Variants in MROH2A observed in about 807,000 individuals in gnomAD.
MROH2A encodes maestro heat-like repeat-containing protein family member 2A.
MROH2A carries 174 observed loss-of-function variants against 200.4 expected under a neutral mutation model. The ratio of observed to expected loss-of-function variants is 0.87; its 90% CI spans 0.77 to 0.98. The LOEUF (loss-of-function observed/expected upper bound fraction) is 0.98. Ranked by LOEUF, MROH2A falls within the 50% of genes least tolerant of loss-of-function variation. The pLI, the probability that MROH2A is intolerant of heterozygous loss-of-function variation, is 0.00. For synonymous variants in MROH2A, 829 were observed against 840.4 expected (o/e 0.99, Z 0.23); for missense variants, 2,045 against 2,139.6 (o/e 0.96, Z 0.87).
chr2:233,822,727 G>A (rs1022773876), intron 33 of MROH2A, among the ~76,000 whole-genome samples, 154 bp from the exon 34 acceptor site: 1 of 152,192 alleles, frequency 6.6e-6, no homozygotes, highest in Non-Finnish European at 1.5e-5. Context: ...GTGGTTTTCA[G>A]AGCTTGCAGA....
chr2:233,823,658 G>T lies in MROH2A; in HGVS notation c.4107G>T (p.Ala1369=). 2.6e-6 allele frequency: 4 copies of T among 1,550,318 alleles called. No individual in the cohort carries two copies. Among genetic ancestry groups the T allele is most frequent in the Non-Finnish European group, 3.5e-6 (4 of 1,146,806 alleles). The change falls in exon 35 of 42, where the codon GCG becomes GCT. Residue 1369 remains alanine (A), a synonymous_variant. Transcript: ENST00000389758. ...EVLSCRISST[A]VCFMSGPVLY... ...TGAGCTGCCGCATCAGCAGCACAGC[G>T]GTCTGCGTGGAAATGAGGCACCGGG...
intron 3 of MROH2A, among the ~76,000 whole-genome samples, chr2:233,781,349 T>C (rs1220026253): frequency 6.6e-6 from 1 of 152,202 alleles, no homozygotes; most frequent in Non-Finnish European, 1.5e-5. Context: ...TTTATAGTCT[T>C]ACCAACAATG....
chr2:233,800,173 A>G, intron 13 of MROH2A, 32 bp from the exon 14 acceptor site: 1 of 1,468,136 alleles, frequency 6.8e-7, no homozygotes, highest in African/African-American at 1.4e-5. Flanking sequence ...CTGCTAGGCC[A>G]CAGGTGGGAA....
intron 3 of MROH2A, among the ~76,000 whole-genome samples, chr2:233,785,019 G>C (rs761434140): frequency 1.3e-5 from 2 of 152,022 alleles, no homozygotes; most frequent in African/African-American, 4.8e-5. Flanking sequence ...GGTGGTGCAC[G>C]CCTGTAATCC....
At chr2:233,810,101 A>G (rs1313123347) in intron 22 of MROH2A, among the ~76,000 whole-genome samples, 3 of 152,188 alleles carry the variant, frequency 2.0e-5, no homozygotes, top group Non-Finnish European at 4.4e-5. Flanking sequence ...TCCTGCCTCT[A>G]TGGTAACACA....
intron 39 of MROH2A, among the ~76,000 whole-genome samples, chr2:233,831,826 A>T (rs1704776784): frequency 6.6e-6 from 1 of 152,264 alleles, no homozygotes; most frequent in African/African-American, 2.4e-5. Context: ...TTCAACATGT[A>T]ATCAGTATAA....
chr2:233,785,508 T>C (rs1701160418), intron 3 of MROH2A, among the ~76,000 whole-genome samples: 2 of 150,196 alleles, frequency 1.3e-5, no homozygotes, highest in South Asian at 2.1e-4. Flanking sequence ...GTTTGTTACA[T>C]TCCCAAGAGA....
In MROH2A at chr2:233,807,230, C is replaced by T. The variant is rs1417286509; in HGVS notation, c.2053-193C>T. 6.6e-6 allele frequency among the ~76,000 whole-genome samples: 1 copy of T among 152,058 alleles called. No individual in the cohort carries two copies. The highest frequency in any genetic ancestry group is 1.5e-5 in the Non-Finnish European group (1 of 68,044). On this transcript the variant is annotated intron_variant, in intron 19 of 41. Coordinates refer to ENST00000389758, the MANE Select transcript of MROH2A (RefSeq NM_001394639.1). The surrounding 1 kb of genome is among the most constrained non-coding windows in gnomAD (Gnocchi z 4.3). Reference sequence around the variant, plus strand: ...ATGTATATATCAGTTTCTTTATCCACTCATTGATTGATGGGCATTTGGGCT... The same window carrying T: ...ATGTATATATCAGTTTCTTTATCCATTCATTGATTGATGGGCATTTGGGCT...
At chr2:233,818,807 G>A in intron 29 of MROH2A, 37 bp downstream of exon 29, 7 of 1,380,856 alleles carry the variant, frequency 5.1e-6, no homozygotes, top group East Asian at 2.5e-5. Flanking sequence ...TGCCAGGCTG[G>A]TCTCAGGGCC....
chr2:233,832,325 C>G, intron 40 of MROH2A, 46 bp downstream of exon 40: 1 of 1,499,768 alleles, frequency 6.7e-7, no homozygotes, highest in South Asian at 1.2e-5. Flanking sequence ...TTTGAAGGCC[C>G]TCTAGTCCAC....
At chr2:233,824,971 C>G (rs1576012104) in intron 35 of MROH2A, among the ~76,000 whole-genome samples, 1 of 152,236 alleles carries the variant, frequency 6.6e-6, no homozygotes, top group East Asian at 1.9e-4. Flanking sequence ...GAATATTTTT[C>G]CATTTGTTTG....
intron 11 of MROH2A, among the ~76,000 whole-genome samples, chr2:233,798,298 C>A (rs1194954159): frequency 6.6e-6 from 1 of 152,236 alleles, no homozygotes; most frequent in African/African-American, 2.4e-5. Context: ...ATTATCCACA[C>A]TTTACAGGCG....
chr2:233,803,531 T>A, intron 16 of MROH2A, 43 bp downstream of exon 16: 1 of 1,541,690 alleles, frequency 6.5e-7, no homozygotes, highest in Non-Finnish European at 8.8e-7. Context: ...GGCAAGGCCA[T>A]GCCCTGTGGC....
chr2:233,826,847 A>C (rs1704345668), intron 35 of MROH2A, among the ~76,000 whole-genome samples: 1 of 152,230 alleles, frequency 6.6e-6, no homozygotes, highest in African/African-American at 2.4e-5. Flanking sequence ...AATATCCAGA[A>C]TCTACAAGGA....
chr2:233,789,492 C>T lies in MROH2A; in HGVS notation c.277-5C>T, dbSNP rs1701588278. On this transcript the variant is annotated splice_polypyrimidine_tract_variant and splice_region_variant and intron_variant, in intron 3 of 41. Coordinates refer to ENST00000389758, the MANE Select transcript of MROH2A (RefSeq NM_001394639.1). Reference sequence around the variant, plus strand: ...TCCATTCCACCCACCATACTTGTTTCCCAGATTTCCACCCAGCGCAAGGTC... The same window carrying T: ...TCCATTCCACCCACCATACTTGTTTTCCAGATTTCCACCCAGCGCAAGGTC... 1.4e-6 allele frequency: 2 copies of T among 1,411,044 alleles called. No homozygotes were observed. Among genetic ancestry groups the T allele is most frequent in the Non-Finnish European group, 9.3e-7 (1 of 1,076,690 alleles). The allele number at this position is 1,411,044 out of a possible 1,614,324, so 87.4% of individuals were successfully genotyped here.
Position 233,807,384 on chromosome 2 carries a change from A to T in MROH2A, c.2053-39A>T, listed in dbSNP as rs1011539188. The T allele has an allele frequency of 9.2e-6, 14 of 1,528,116 alleles. No homozygotes were observed. In the Admixed American group the frequency reaches 1.9e-4, roughly 20 times the overall value. 94.7% of individuals were successfully genotyped at this position (1,528,116 alleles called of 1,614,324 possible). ...ACAGCACCCCCTGAAGGCTGGCTGT[A>T]GGGAGGCCTGAGCTCCTTCCTCCCT... is the stretch of plus-strand genomic sequence containing the variant. On this transcript the variant is annotated intron_variant, in intron 19 of 41. Coordinates refer to ENST00000389758, the MANE Select transcript of MROH2A (RefSeq NM_001394639.1). The surrounding 1 kb of genome is among the most constrained non-coding windows in gnomAD (Gnocchi z 4.3).
chr2:233,823,583 C>T lies in MROH2A; in HGVS notation c.4032C>T (p.His1344=). 1 of 1,550,378 alleles carries T rather than the reference C, an allele frequency of 6.5e-7. No individual in the cohort carries two copies. Among genetic ancestry groups the T allele is most frequent in the Non-Finnish European group, 8.7e-7 (1 of 1,146,978 alleles). The change falls in exon 35 of 42, where the codon CAC becomes CAT. Residue 1344 remains histidine, a synonymous_variant. Transcript: ENST00000389758. ...ARLCMQHVEG[H]RQRLAELVLR... ...TGTGCATGCAGCACGTGGAGGGCCA[C>T]AGGCAGAGGCTGGCCGAGCTGGTGC...
chr2:233,826,063 T>C (rs1576014466), intron 35 of MROH2A, among the ~76,000 whole-genome samples: 1 of 151,980 alleles, frequency 6.6e-6, no homozygotes, highest in East Asian at 1.9e-4. Context: ...TAGCTGGGAC[T>C]GTAGGCATGT....
In MROH2A at chr2:233,816,839, T is replaced by G. The variant is rs755684077; in HGVS notation, c.2915T>G (p.Leu972Arg). The G allele has an allele frequency of 3.2e-6, 5 of 1,550,308 alleles. No homozygotes were observed. Among genetic ancestry groups the G allele is most frequent in the Non-Finnish European group, 4.4e-6 (5 of 1,146,812 alleles). Residue 972 changes from leucine to arginine, a missense_variant, in exon 27 of 42, where the codon CTC (leucine) becomes CGC (arginine). Leu to Arg is a moderately radical substitution (Grantham distance 102). Coordinates refer to ENST00000389758, the MANE Select transcript of MROH2A (RefSeq NM_001394639.1). ...TGGGAGCGGGAAAAGGCCGTGAGCC[T>G]CCATCTCTATCTCATGTGGATTTAT... ...KEWEREKAVS[L>R]HLYLMWIYVH...
Sources: allele counts gnomAD v4.1 joint callset (sites outside exome capture counted in the v4.1 genomes callset), GRCh38; gene constraint gnomAD v4.1.1; non-coding constraint Gnocchi (gnomAD v3.1); transcripts MANE v1.5; gene names NCBI Gene and HGNC (gene_info 2026-07-23, HGNC 2026-07-21).